Variants in ADGRB3 observed in about 807,000 individuals in gnomAD.
ADGRB3 encodes the protein brain-specific angiogenesis inhibitor 3.
Under a neutral mutation model 193.4 loss-of-function variants are expected in ADGRB3, and 37 were observed. That is an observed-to-expected ratio of 0.19 (90% CI 0.15 to 0.25). ADGRB3 has a LOEUF of 0.25. Ranked by LOEUF, ADGRB3 falls within the 10% of genes least tolerant of loss-of-function variation. The pLI is 1.00. For synonymous variants in ADGRB3, 690 were observed against 644.2 expected, an observed-to-expected ratio of 1.07 and a Z score of -1.08; for missense variants, 1,637 against 1,852.9, an observed-to-expected ratio of 0.88 and a Z score of 2.14.
At chr6:69,298,430 A>G (rs1767876216) in intron 20 of ADGRB3, among the ~76,000 whole-genome samples, 5 of 152,070 alleles carry the variant, frequency 3.3e-5, no homozygotes, top group Admixed American at 3.3e-4. Flanking sequence ...GAAATATACA[A>G]TAAATTATTG....
chr6:69,297,396 C>CTA (rs1561980467), intron 20 of ADGRB3, among the ~76,000 whole-genome samples: 56 of 143,034 alleles, frequency 3.9e-4, no homozygotes, highest in African/African-American at 1.3e-3. Flanking sequence ...CTCTCTATCT[C>CTA]TCTCTCTCTC....
intron 20 of ADGRB3, among the ~76,000 whole-genome samples, chr6:69,319,294 G>C (rs1768390570): frequency 6.6e-6 from 1 of 150,936 alleles, no homozygotes; most frequent in African/African-American, 2.4e-5. Context: ...TTTTAATTTT[G>C]ATTTCTAATT....
At chr6:68,941,828 A>G (rs1008414552) in intron 5 of ADGRB3, among the ~76,000 whole-genome samples, 2 of 151,432 alleles carry the variant, frequency 1.3e-5, no homozygotes, top group African/African-American at 4.8e-5. Context: ...GCCATAATTG[A>G]TCATATATAC....
chr6:68,661,471 A>T (rs1420049731), intron 3 of ADGRB3, among the ~76,000 whole-genome samples: 1 of 120,184 alleles, frequency 8.3e-6, no homozygotes, highest in Non-Finnish European at 1.7e-5. Flanking sequence ...GTGTGTATAT[A>T]TATGTGTATA....
At chr6:68,796,344 G>T (rs1411990849) in intron 3 of ADGRB3, among the ~76,000 whole-genome samples, 1 of 151,900 alleles carries the variant, frequency 6.6e-6, no homozygotes, top group African/African-American at 2.4e-5. Flanking sequence ...TTGAAGCCTT[G>T]TATTAATATA....
chr6:69,321,142 C>T (rs2127306591), intron 20 of ADGRB3, among the ~76,000 whole-genome samples: 1 of 151,910 alleles, frequency 6.6e-6, no homozygotes, highest in African/African-American at 2.4e-5. Flanking sequence ...TAGTCCATCA[C>T]AGTTAACACT....
intron 3 of ADGRB3, among the ~76,000 whole-genome samples, chr6:68,747,822 C>T (rs897280740): frequency 1.4e-4 from 22 of 152,030 alleles, no homozygotes; most frequent in African/African-American, 4.1e-4. Context: ...TTGTATTAGT[C>T]GGTTTTCATG....
At chr6:68,810,360 T>TATCA (rs1344957909) in intron 3 of ADGRB3, among the ~76,000 whole-genome samples, 1 of 152,176 alleles carries the variant, frequency 6.6e-6, no homozygotes, top group African/African-American at 2.4e-5. Flanking sequence ...CCCTGGACAC[T>TATCA]ATCAACAATG....
intron 3 of ADGRB3, among the ~76,000 whole-genome samples, chr6:68,772,827 G>T (rs1766644568): frequency 1.4e-5 from 2 of 141,622 alleles, no homozygotes; most frequent in African/African-American, 5.1e-5. Context: ...AGACCACCCT[G>T]GGCAACATGG....
At chr6:69,252,495 G>T (rs1307263478) in intron 20 of ADGRB3, among the ~76,000 whole-genome samples, 1 of 152,108 alleles carries the variant, frequency 6.6e-6, no homozygotes, top group Non-Finnish European at 1.5e-5. Flanking sequence ...CTGCTGAATG[G>T]TTTTCCAAAA....
intron 20 of ADGRB3, among the ~76,000 whole-genome samples, chr6:69,272,755 G>A (rs536043357): frequency 1.3e-5 from 2 of 152,290 alleles, no homozygotes; most frequent in South Asian, 4.1e-4. Flanking sequence ...CTCAAGTAGG[G>A]TAGCTGTAAA....
chr6:68,911,870 G>C (rs572623036), intron 3 of ADGRB3, among the ~76,000 whole-genome samples: 50 of 146,868 alleles, frequency 3.4e-4, no homozygotes, highest in African/African-American at 1.2e-3. Flanking sequence ...TCATTTGGTA[G>C]TTGTTTCTGT....
At chr6:68,849,045 A>G (rs1399483725) in intron 3 of ADGRB3, among the ~76,000 whole-genome samples, 1 of 152,034 alleles carries the variant, frequency 6.6e-6, no homozygotes, top group African/African-American at 2.4e-5. Context: ...GAAAGGTTAA[A>G]TGCTCACCCA....
intron 20 of ADGRB3, among the ~76,000 whole-genome samples, chr6:69,271,244 G>A (rs117197237): frequency 0.037 from 5,600 of 152,230 alleles, 112 homozygotes; most frequent in Non-Finnish European, 0.042. Flanking sequence ...AGAGCTGAGA[G>A]GACTGGTTGG....
At chr6:69,380,777 C>G (rs954187464) in intron 30 of ADGRB3, among the ~76,000 whole-genome samples, 1 of 151,818 alleles carries the variant, frequency 6.6e-6, no homozygotes, top group Non-Finnish European at 1.5e-5. Context: ...GCTGTGTCCT[C>G]CATTAGACTT....
intron 17 of ADGRB3, among the ~76,000 whole-genome samples, chr6:69,185,498 C>A (rs1273763786): frequency 2.0e-5 from 3 of 152,134 alleles, no homozygotes; most frequent in Non-Finnish European, 2.9e-5. Flanking sequence ...CGTATTGGTA[C>A]AAGTATCAGA....
intron 16 of ADGRB3, 43 bp downstream of exon 16, chr6:69,063,079 C>T (rs1562143002): frequency 2.1e-6 from 3 of 1,415,638 alleles, no homozygotes; most frequent in Non-Finnish European, 3.0e-6. Context: ...ATGGAATTAC[C>T]TTTCTAACAG....
intron 8 of ADGRB3, among the ~76,000 whole-genome samples, chr6:68,964,497 A>G (rs1233561567): frequency 6.6e-6 from 1 of 152,126 alleles, no homozygotes; most frequent in Non-Finnish European, 1.5e-5. Flanking sequence ...GAAGGCTAAG[A>G]CTCACTGTCG....
intron 3 of ADGRB3, among the ~76,000 whole-genome samples, chr6:68,911,615 C>T (rs1242233185): frequency 6.6e-6 from 1 of 152,106 alleles, no homozygotes; most frequent in Non-Finnish European, 1.5e-5. Context: ...TAGAAGGTAT[C>T]AAACCTGATT....
Sources: allele counts gnomAD v4.1 joint callset (sites outside exome capture counted in the v4.1 genomes callset), GRCh38; gene constraint gnomAD v4.1.1; transcripts MANE v1.5; gene names NCBI Gene and HGNC (gene_info 2026-07-23, HGNC 2026-07-21).